Variants in DNAJC12 observed in about 807,000 individuals in gnomAD.
The protein encoded by DNAJC12 is dnaJ homolog subfamily C member 12.
A neutral mutation model predicts 28.5 loss-of-function variants in DNAJC12; 25 were observed. The observed-to-expected ratio is 0.88, with a 90% CI of 0.64 to 1.22. The LOEUF (loss-of-function observed/expected upper bound fraction) is 1.22. Among genes scored for constraint, DNAJC12 ranks in the 50% most tolerant of loss-of-function variants. The pLI is 0.00. For missense variants in DNAJC12, 222 were observed against 231.7 expected (o/e 0.96, Z 0.27); for synonymous variants, 77 against 80.6 (o/e 0.95, Z 0.24).
intron 4 of DNAJC12, among the ~76,000 whole-genome samples, chr10:67,800,867 C>T (rs543737593): frequency 3.6e-4 from 55 of 151,570 alleles, no homozygotes; most frequent in African/African-American, 1.1e-3. Flanking sequence ...TAGCTTGACC[C>T]GGGAGGCAGA....
At chr10:67,819,764 A>ACG in intron 2 of DNAJC12, among the ~76,000 whole-genome samples, 1 of 17,508 alleles carries the variant, frequency 5.7e-5, no homozygotes, top group Non-Finnish European at 1.1e-4. Context: ...GGAAGGAAGG[A>ACG]AGGAAGGAAG....
At chr10:67,834,556 C>T (rs954584110) in intron 1 of DNAJC12, among the ~76,000 whole-genome samples, 9 of 152,188 alleles carry the variant, frequency 5.9e-5, no homozygotes, top group Middle Eastern at 3.2e-3. Context: ...AGGCCGGGCG[C>T]GGTGGCTCAT....
chr10:67,797,901 G>T (rs1251029955), intron 4 of DNAJC12, among the ~76,000 whole-genome samples: 1 of 151,978 alleles, frequency 6.6e-6, no homozygotes, highest in Non-Finnish European at 1.5e-5. Context: ...TTAGCCGGGC[G>T]TGGTGGCGGG....
chr10:67,797,847 T>C (rs1013387465), intron 4 of DNAJC12, among the ~76,000 whole-genome samples: 12 of 152,100 alleles, frequency 7.9e-5, no homozygotes, highest in African/African-American at 9.6e-5. Context: ...AAGACCATCC[T>C]GGCTAACACG....
At chr10:67,823,430 C>T (rs767580439) in intron 1 of DNAJC12, 38 bp from the exon 2 acceptor site, 26 of 1,576,608 alleles carry the variant, frequency 1.6e-5, no homozygotes, top group Non-Finnish European at 2.2e-5. Flanking sequence ...AAGAGTCATG[C>T]CAGGCGCAGT....
intron 1 of DNAJC12, among the ~76,000 whole-genome samples, chr10:67,826,222 C>G (rs1842027980): frequency 6.6e-6 from 1 of 150,850 alleles, no homozygotes; most frequent in Non-Finnish European, 1.5e-5. Flanking sequence ...GCAACCTGCA[C>G]CTCCTGGGCT....
At chr10:67,823,684 C>T (rs772366333) in intron 1 of DNAJC12, among the ~76,000 whole-genome samples, 14 of 138,284 alleles carry the variant, frequency 1.0e-4, no homozygotes, top group Non-Finnish European at 2.0e-4. Flanking sequence ...CTGGGTAACA[C>T]AGCAAGATCT....
chr10:67,829,279 C>T lies in DNAJC12; in HGVS notation c.79-5887G>A, dbSNP rs565937612. Among the ~76,000 whole-genome samples, 5 of 152,248 alleles carry T rather than the reference C, an allele frequency of 3.3e-5. No homozygotes were observed. In the South Asian group the frequency reaches 1.0e-3, roughly 32 times the overall value. ...CTCTCCCACCCTGAAGCCTTAGAAA[C>T]TCTTAGTCTGTAGGAGAGTGTGTCT... On this transcript the variant is annotated intron_variant, in intron 1 of 4. Transcript: ENST00000225171.
chr10:67,812,851 C>CA (rs567473050), intron 2 of DNAJC12, among the ~76,000 whole-genome samples: 6,337 of 115,392 alleles, frequency 0.055, 562 homozygotes, highest in East Asian at 0.46. Flanking sequence ...GACTCCATCT[C>CA]AAAAAAAAAA....
intron 2 of DNAJC12, among the ~76,000 whole-genome samples, chr10:67,818,189 G>A (rs983334360): frequency 5.9e-5 from 9 of 152,154 alleles, no homozygotes; most frequent in African/African-American, 2.2e-4. Flanking sequence ...CTGGGAGACA[G>A]AGCGAGATCC....
intron 3 of DNAJC12, among the ~76,000 whole-genome samples, chr10:67,809,549 G>T (rs1418472195): frequency 1.3e-5 from 2 of 151,984 alleles, no homozygotes; most frequent in Non-Finnish European, 2.9e-5. Flanking sequence ...TAAATAAGTA[G>T]GTAGTAAAGT....
chr10:67,819,763 GAAGGAAGGAAGGAAGGGGAAGGAA>G (rs1436369884), intron 2 of DNAJC12, among the ~76,000 whole-genome samples: 18 of 23,792 alleles, frequency 7.6e-4, no homozygotes, highest in African/African-American at 2.9e-3. Context: ...AGGAAGGAAG[GAAGGAAGGAAGGAAGGGGAAGGAA>G]GGAAGGAAGG....
intron 4 of DNAJC12, among the ~76,000 whole-genome samples, chr10:67,801,250 A>G (rs1267470861): frequency 6.6e-6 from 1 of 152,230 alleles, no homozygotes; most frequent in East Asian, 1.9e-4. Flanking sequence ...AAAGTAATAT[A>G]TAAGAAGCCA....
intron 4 of DNAJC12, among the ~76,000 whole-genome samples, chr10:67,803,012 C>T (rs1221794209): frequency 1.9e-5 from 2 of 107,524 alleles, no homozygotes; most frequent in Non-Finnish European, 4.9e-5. Context: ...GGCTAATTTT[C>T]ATATTTTTTT....
chr10:67,837,184 A>G (rs1279430418), intron 1 of DNAJC12, among the ~76,000 whole-genome samples: 1 of 152,012 alleles, frequency 6.6e-6, no homozygotes, highest in East Asian at 1.9e-4. Context: ...AAGTACATAT[A>G]ATATCCTCCC....
At chr10:67,798,399 GC>G in intron 4 of DNAJC12, among the ~76,000 whole-genome samples, 1 of 152,062 alleles carries the variant, frequency 6.6e-6, no homozygotes, top group Admixed American at 6.6e-5. Flanking sequence ...AAAAAAGAAG[GC>G]CCAGCATGGT....
rs879603353 is a variant in DNAJC12, at chr10:67,811,651, T to C, written c.170A>G (p.Gln57Arg). ...PENPKAVETF[Q>R]KLQKAKEILT... ...AATCTCCTTTGCCTTCTGCAGTTTC[T>C]GAAAAGTCTCCACTGGAAAACAAAT... is the stretch of plus-strand genomic sequence containing the variant. Residue 57 changes from glutamine (Q) to arginine (R), a missense_variant, in exon 3 of 5, where the codon CAG becomes CGG. By Grantham distance (43) the Gln-to-Arg change is conservative. Transcript: ENST00000225171. The C allele has an allele frequency of 2.5e-6, 4 of 1,612,858 alleles. No individual in the cohort carries two copies. Among genetic ancestry groups the C allele is most frequent in the Non-Finnish European group, 2.5e-6 (3 of 1,179,536 alleles).
At chr10:67,817,414 G>A (rs1393289094) in intron 2 of DNAJC12, among the ~76,000 whole-genome samples, 1 of 152,178 alleles carries the variant, frequency 6.6e-6, no homozygotes, top group East Asian at 1.9e-4. Flanking sequence ...AATGGCAACA[G>A]TTGAGACTAT....
intron 2 of DNAJC12, among the ~76,000 whole-genome samples, chr10:67,816,596 A>C (rs541993128): frequency 2.0e-4 from 29 of 142,656 alleles, no homozygotes; most frequent in Non-Finnish European, 3.6e-4. Context: ...CCCAGGCTGG[A>C]GCACTGTGAC....
Sources: allele counts gnomAD v4.1 joint callset (sites outside exome capture counted in the v4.1 genomes callset), GRCh38; gene constraint gnomAD v4.1.1; transcripts MANE v1.5; gene names NCBI Gene and HGNC (gene_info 2026-07-23, HGNC 2026-07-21).